Variants in ZFAND3 observed in about 807,000 individuals in gnomAD.
ZFAND3 encodes the protein AN1-type zinc finger protein 3.
In ZFAND3, 10 loss-of-function variants were observed where a neutral mutation model predicts 29.6. The observed-to-expected ratio is 0.34, with a 90% confidence interval of 0.21 to 0.57. ZFAND3 has a LOEUF of 0.57. ZFAND3 is among the 20% of genes least tolerant of loss of function. ZFAND3 has a pLI of 0.86. For missense variants in ZFAND3, 230 were observed against 304.5 expected, an observed-to-expected ratio of 0.76 and a Z score of 1.82; for synonymous variants, 128 against 112.6, an observed-to-expected ratio of 1.14 and a Z score of -0.87.
intron 3 of ZFAND3, among the ~76,000 whole-genome samples, chr6:38,079,597 CCTTT>C (rs1304775559): frequency 6.6e-6 from 1 of 152,064 alleles, no homozygotes; most frequent in Non-Finnish European, 1.5e-5. Flanking sequence ...GACAGTTTCT[CCTTT>C]CTTATATAAT....
At chr6:37,932,525 C>G (rs1321191379) in intron 2 of ZFAND3, among the ~76,000 whole-genome samples, 1 of 152,054 alleles carries the variant, frequency 6.6e-6, no homozygotes, top group Non-Finnish European at 1.5e-5. Context: ...GGGTACTCAA[C>G]CTGTATTAGA....
At chr6:38,102,381 T>C (rs1314781038) in intron 4 of ZFAND3, among the ~76,000 whole-genome samples, 3 of 152,236 alleles carry the variant, frequency 2.0e-5, no homozygotes, top group African/African-American at 7.2e-5. Context: ...GAAAATTTAC[T>C]TGAATTAGTG....
intron 3 of ZFAND3, among the ~76,000 whole-genome samples, chr6:38,070,120 G>T (rs1026248918): frequency 1.3e-5 from 2 of 152,118 alleles, no homozygotes; most frequent in South Asian, 4.1e-4. Context: ...CTGTGTACAT[G>T]TTTACATACA....
chr6:37,906,254 G>C (rs1046307971), intron 1 of ZFAND3, among the ~76,000 whole-genome samples: 54 of 151,988 alleles, frequency 3.6e-4, no homozygotes, highest in African/African-American at 1.3e-3. Flanking sequence ...TGTCTTTATG[G>C]ATTTGTTTAT....
chr6:38,151,784 C>T (rs899355971), intron 5 of ZFAND3, among the ~76,000 whole-genome samples: 5 of 152,134 alleles, frequency 3.3e-5, no homozygotes, highest in Non-Finnish European at 7.4e-5. Context: ...CCCGGCTGTA[C>T]AGGAGGTGGA....
intron 1 of ZFAND3, among the ~76,000 whole-genome samples, chr6:37,885,124 C>A (rs992703995): frequency 4.5e-4 from 68 of 152,114 alleles, no homozygotes; most frequent in African/African-American, 1.6e-3. Flanking sequence ...GGCCAATCAT[C>A]TTTTGGAGCT....
chr6:38,088,616 G>T (rs1024421863), intron 4 of ZFAND3, among the ~76,000 whole-genome samples: 6 of 152,156 alleles, frequency 3.9e-5, no homozygotes, highest in African/African-American at 1.4e-4. Flanking sequence ...ATTAAAATAA[G>T]AAAGAATTCA....
chr6:37,873,466 C>T (rs963295273), intron 1 of ZFAND3, among the ~76,000 whole-genome samples: 12 of 152,134 alleles, frequency 7.9e-5, no homozygotes, highest in African/African-American at 1.2e-4. Flanking sequence ...ATCATTTATG[C>T]GGTTGTGATT....
In ZFAND3 at chr6:38,152,454, A is replaced by G; in HGVS notation, c.*65A>G. ...ACTAATGTTAGCCTTATTTAGGACA[A>G]AGTCAGCCAGACACCTTGTACTGGG... On this transcript the variant is annotated 3_prime_UTR_variant, in exon 6 of 6. Transcript: ENST00000287218. The G allele has an allele frequency of 1.4e-6, 2 of 1,475,308 alleles. No homozygotes were observed. Among genetic ancestry groups the G allele is most frequent in the African/African-American group, 2.8e-5 (2 of 70,574 alleles). 91.4% of individuals were successfully genotyped at this position (1,475,308 alleles called of 1,614,324 possible). A position where few individuals can be genotyped will look rare whatever the true frequency, so the allele number is the denominator to read the frequency against.
intron 1 of ZFAND3, among the ~76,000 whole-genome samples, chr6:37,861,081 A>G (rs1269186657): frequency 6.6e-6 from 1 of 151,922 alleles, no homozygotes; most frequent in African/African-American, 2.4e-5. Context: ...ACATGGTGAA[A>G]CCCTGTTTTT....
Position 38,152,595 on chromosome 6 carries a change from T to G in ZFAND3, c.*206T>G. 1 of 1,250,198 alleles carries G rather than the reference T, an allele frequency of 8.0e-7. No homozygotes were observed. The highest frequency in any genetic ancestry group is 1.0e-6 in the Non-Finnish European group (1 of 997,756). 77.4% of individuals were successfully genotyped at this position (1,250,198 alleles called of 1,614,324 possible). A position where few individuals can be genotyped will look rare whatever the true frequency, so the allele number is the denominator to read the frequency against. On this transcript the variant is annotated 3_prime_UTR_variant, in exon 6 of 6. Coordinates refer to ENST00000287218, the MANE Select transcript of ZFAND3 (RefSeq NM_021943.3). ...TCTGGCTGGTTACTAAGGTGCCTGCTAGCCATTGTATAAAATTAAAACATG... is the reference window on the plus strand; with the variant it reads ...TCTGGCTGGTTACTAAGGTGCCTGCGAGCCATTGTATAAAATTAAAACATG...
chr6:38,052,947 T>C (rs546494459), intron 2 of ZFAND3, among the ~76,000 whole-genome samples: 62 of 151,782 alleles, frequency 4.1e-4, no homozygotes, highest in African/African-American at 1.4e-3. Flanking sequence ...AGCAGGAGAA[T>C]TGCTCGAACC....
At chr6:38,016,020 TG>T (rs1763246094) in intron 2 of ZFAND3, among the ~76,000 whole-genome samples, 1 of 152,240 alleles carries the variant, frequency 6.6e-6, no homozygotes, top group Non-Finnish European at 1.5e-5. Flanking sequence ...ATGTTTATAA[TG>T]GGCCATACAT....
At chr6:38,075,712 A>C (rs1033291808) in intron 3 of ZFAND3, among the ~76,000 whole-genome samples, 1 of 152,060 alleles carries the variant, frequency 6.6e-6, no homozygotes, top group Non-Finnish European at 1.5e-5. Flanking sequence ...CTACAGAGAA[A>C]TCTTTTGTGA....
rs998958238 is a variant in ZFAND3 at position 38,074,601 on chromosome 6, G to A, written c.296-7791G>A. Among the ~76,000 whole-genome samples the A allele has an allele frequency of 7.2e-5, 11 of 152,350 alleles. 1 individual carries two copies. Among genetic ancestry groups the A allele is most frequent in the Admixed American group, 3.3e-4 (5 of 15,306 alleles). On this transcript the variant is annotated intron_variant, in intron 3 of 5. Coordinates refer to ENST00000287218, the MANE Select transcript of ZFAND3 (RefSeq NM_021943.3). Reference sequence around the variant, plus strand: ...AGCCATCTCCATAAAAGTGCAAGGTGAAGCAGCAGTTGCTGATGTAGAAGC... The same window carrying A: ...AGCCATCTCCATAAAAGTGCAAGGTAAAGCAGCAGTTGCTGATGTAGAAGC...
chr6:38,071,854 T>C (rs1764460370), intron 3 of ZFAND3, among the ~76,000 whole-genome samples: 1 of 152,344 alleles, frequency 6.6e-6, no homozygotes, highest in East Asian at 1.9e-4. Flanking sequence ...AATAAATGGT[T>C]AGTGATTTAA....
intron 2 of ZFAND3, among the ~76,000 whole-genome samples, chr6:38,019,233 C>T (rs1004897999): frequency 1.3e-5 from 2 of 152,186 alleles, no homozygotes; most frequent in Non-Finnish European, 2.9e-5. Flanking sequence ...GCTGGGATTA[C>T]AGGCATGAGG....
chr6:38,150,862 G>C (rs11756902), intron 5 of ZFAND3, among the ~76,000 whole-genome samples: 12,997 of 152,238 alleles, frequency 0.085, 746 homozygotes, highest in East Asian at 0.29. Context: ...GCTCCAGACA[G>C]GGAGAACAGG....
intron 4 of ZFAND3, among the ~76,000 whole-genome samples, chr6:38,102,551 G>A (rs7773080): frequency 1.3e-5 from 2 of 152,094 alleles, no homozygotes; most frequent in African/African-American, 2.4e-5. Flanking sequence ...TTGGGGTACA[G>A]CATTATTCGA....
Sources: allele counts gnomAD v4.1 joint callset (sites outside exome capture counted in the v4.1 genomes callset), GRCh38; gene constraint gnomAD v4.1.1; transcripts MANE v1.5; gene names NCBI Gene and HGNC (gene_info 2026-07-23, HGNC 2026-07-21).